The following PGAP1 variants were observed in gnomAD, a reference collection of about 807,000 sequenced individuals.
The protein encoded by PGAP1 is post-GPI attachment to proteins inositol deacylase 1.
PGAP1 carries 76 observed loss-of-function variants against 127.0 expected under a neutral mutation model. The ratio of observed to expected loss-of-function variants is 0.60; its 90% CI spans 0.50 to 0.72. The LOEUF (loss-of-function observed/expected upper bound fraction) is 0.72. Ranked by LOEUF, PGAP1 falls within the 30% of genes least tolerant of loss-of-function variation. The pLI is 0.00. For missense variants in PGAP1, 982 were observed against 1,071.3 expected (o/e 0.92, Z 1.16); for synonymous variants, 362 against 366.5 (o/e 0.99, Z 0.14).
chr2:196,911,724 A>G (rs1016494457), intron 4 of PGAP1, among the ~76,000 whole-genome samples: 3 of 151,956 alleles, frequency 2.0e-5, no homozygotes, highest in African/African-American at 7.3e-5. Flanking sequence ...ATCTACTCAT[A>G]TAATATTCCT....
intron 4 of PGAP1, among the ~76,000 whole-genome samples, chr2:196,905,966 G>A (rs1182447301): frequency 1.0e-4 from 7 of 69,898 alleles, no homozygotes; most frequent in South Asian, 5.4e-4. Flanking sequence ...ACGGAATCTC[G>A]CTGATTGCTA....
intron 25 of PGAP1, among the ~76,000 whole-genome samples, chr2:196,843,348 T>C (rs1262167722): frequency 6.6e-6 from 1 of 152,186 alleles, no homozygotes; most frequent in Non-Finnish European, 1.5e-5. Flanking sequence ...AAGGAACAGA[T>C]ATAAAAGAAG....
rs756974517 is a variant in PGAP1 at position 196,875,782 on chromosome 2, A to G, written c.1390T>C (p.Tyr464His). 11 of 1,541,932 alleles carry G rather than the reference A, an allele frequency of 7.1e-6. No homozygotes were observed. Among genetic ancestry groups the G allele is most frequent in the Middle Eastern group, 3.4e-4 (2 of 5,844 alleles). The stretch of plus-strand genomic sequence containing the variant: ...AGATGAGTTACAGGAAGCTGTATGT[A>G]TCTTTTCTCTTTTTTAAAGAATTCA... ...DCEFFKKEKR[Y>H]IQLPVTHLFS... The change falls in exon 14 of 27, where the codon TAC becomes CAC. Residue 464 changes from tyrosine (Y) to histidine (H), a missense_variant. Transcript: ENST00000354764.
intron 7 of PGAP1, among the ~76,000 whole-genome samples, chr2:196,894,060 C>A (rs1702188404): frequency 6.6e-6 from 1 of 152,196 alleles, no homozygotes; most frequent in Non-Finnish European, 1.5e-5. Context: ...TTTGTAAGAT[C>A]ATGCATTCCA....
intron 5 of PGAP1, among the ~76,000 whole-genome samples, chr2:196,898,989 A>G (rs1174733933): frequency 6.6e-6 from 1 of 152,148 alleles, no homozygotes; most frequent in Non-Finnish European, 1.5e-5. Context: ...CAAGGACAAA[A>G]GGCTTCTAAA....
intron 19 of PGAP1, among the ~76,000 whole-genome samples, chr2:196,869,637 C>T (rs948745581): frequency 6.6e-6 from 1 of 152,104 alleles, no homozygotes; most frequent in African/African-American, 2.4e-5. Flanking sequence ...CCCGGCCCAA[C>T]ATTTTATAAT....
chr2:196,897,891 C>T (rs1483014773), intron 6 of PGAP1, among the ~76,000 whole-genome samples: 1 of 152,162 alleles, frequency 6.6e-6, no homozygotes, highest in Non-Finnish European at 1.5e-5. Flanking sequence ...ATATTTCTCC[C>T]ATAGTCTTAT....
chr2:196,905,608 C>T (rs1387081765), intron 4 of PGAP1, among the ~76,000 whole-genome samples: 3 of 152,032 alleles, frequency 2.0e-5, no homozygotes, highest in Admixed American at 6.6e-5. Flanking sequence ...CCAAGATGGC[C>T]GAATAGGAAC....
At chr2:196,912,592 A>C (rs896205013) in intron 4 of PGAP1, among the ~76,000 whole-genome samples, 8 of 150,964 alleles carry the variant, frequency 5.3e-5, no homozygotes, top group Admixed American at 2.6e-4. Context: ...AAAAAAAAAA[A>C]AAAAAAAAAA....
At position 196,920,068 on chromosome 2, in the gene PGAP1, T is replaced by C. The variant is rs997656770; in HGVS notation, c.230A>G (p.Glu77Gly). 10 of 1,613,574 alleles carry C rather than the reference T, an allele frequency of 6.2e-6. No individual in the cohort carries two copies. Among genetic ancestry groups the C allele is most frequent in the Non-Finnish European group, 8.5e-6 (10 of 1,179,632 alleles). ...YLYGEGSYAE[E>G]HKILPLTGIP... The stretch of plus-strand genomic sequence containing the variant: ...ACCCGTCAAAGGGAGAATTTTGTGT[T>C]CTTCAGCATAGGATCCCTCTCCATA... The change falls in exon 2 of 27, where the codon GAA becomes GGA. Residue 77 changes from glutamate to glycine, a missense_variant. By Grantham distance (98) the Glu-to-Gly change is moderately conservative. Transcript: ENST00000354764.
At chr2:196,872,643 G>A (rs1279103202) in intron 17 of PGAP1, 94 bp from the exon 18 acceptor site, 1 of 849,442 alleles carries the variant, frequency 1.2e-6, no homozygotes, top group Admixed American at 2.4e-5. Flanking sequence ...ACTGAATAAT[G>A]TAGAGGAAGC....
intron 5 of PGAP1, among the ~76,000 whole-genome samples, chr2:196,901,740 T>G (rs1323504209): frequency 6.6e-6 from 1 of 152,230 alleles, no homozygotes; most frequent in Non-Finnish European, 1.5e-5. Context: ...AATCAGGTTC[T>G]ACTTATACTA....
At chr2:196,888,187 T>C (rs907625066) in intron 10 of PGAP1, among the ~76,000 whole-genome samples, 2 of 152,226 alleles carry the variant, frequency 1.3e-5, no homozygotes, top group African/African-American at 2.4e-5. Context: ...TCAAGGATTA[T>C]TGACTAACTC....
intron 7 of PGAP1, among the ~76,000 whole-genome samples, chr2:196,896,828 T>TAAAAAAAAA (rs566717804): frequency 6.1e-4 from 55 of 90,596 alleles, no homozygotes; most frequent in African/African-American, 2.2e-3. Flanking sequence ...GACTCCATCT[T>TAAAAAAAAA]AAAAAAAAAA....
rs559726804 is a variant in PGAP1 at position 196,839,852 on chromosome 2, A to G, written c.*1382T>C. 6.6e-6 allele frequency: 1 copy of G among 152,214 alleles called. No homozygotes were observed. The highest frequency in any genetic ancestry group is 1.5e-5 in the Non-Finnish European group (1 of 68,032). The allele number at this position is 152,214 out of a possible 1,614,324, so 9.4% of individuals were successfully genotyped here. On this transcript the variant is annotated 3_prime_UTR_variant, in exon 27 of 27. Transcript: ENST00000354764. ...TGGGTACTAACAAGGATACATATTC[A>G]CAAGTGCAATGGTGGAATCACTGGA...
At chr2:196,872,767 A>G in intron 17 of PGAP1, 193 bp downstream of exon 17, 3 of 563,868 alleles carry the variant, frequency 5.3e-6, no homozygotes, top group Non-Finnish European at 9.4e-6. Flanking sequence ...TTCAGGTTCC[A>G]AGGAAGTAAA....
At chr2:196,915,990 C>T (rs1576200017) in intron 3 of PGAP1, among the ~76,000 whole-genome samples, 1 of 152,308 alleles carries the variant, frequency 6.6e-6, no homozygotes, top group East Asian at 1.9e-4. Context: ...ATGGAGCTTA[C>T]TTCTTCCAGG....
intron 4 of PGAP1, among the ~76,000 whole-genome samples, chr2:196,905,229 T>C (rs1486044252): frequency 6.6e-6 from 1 of 152,158 alleles, no homozygotes; most frequent in Non-Finnish European, 1.5e-5. Flanking sequence ...GTCATCTACA[T>C]ACACCACACA....
chr2:196,903,575 A>G (rs543466568), intron 4 of PGAP1, among the ~76,000 whole-genome samples: 15,080 of 150,742 alleles, frequency 0.1, 960 homozygotes, highest in African/African-American at 0.17. Flanking sequence ...AAAAAAAAAA[A>G]AAAAAAGAAA....
Sources: allele counts gnomAD v4.1 joint callset (sites outside exome capture counted in the v4.1 genomes callset), GRCh38; gene constraint gnomAD v4.1.1; transcripts MANE v1.5; gene names NCBI Gene and HGNC (gene_info 2026-07-23, HGNC 2026-07-21).